Variants in OR2L13 observed in about 807,000 individuals in gnomAD.
The protein encoded by OR2L13 is olfactory receptor 2L13.
Under a neutral mutation model 15.3 loss-of-function variants are expected in OR2L13, and 14 were observed. That is an observed-to-expected ratio of 0.91 (90% CI 0.60 to 1.43). OR2L13 has a LOEUF of 1.43. Ranked by LOEUF, OR2L13 falls within the 40% of genes most tolerant of loss-of-function variation. OR2L13 has a pLI of 0.00. For synonymous variants in OR2L13, 152 were observed against 142.9 expected (o/e 1.06, Z -0.45); for missense variants, 367 against 387.9 (o/e 0.95, Z 0.45).
the OR2L13 span, among the ~76,000 whole-genome samples, chr1:248,002,556 C>T: frequency 1.3e-5 from 2 of 152,132 alleles, no homozygotes; most frequent in Non-Finnish European, 2.9e-5. Flanking sequence ...AAAATTTCTT[C>T]GCTTTTAAAA....
chr1:248,058,934 TA>T, the OR2L13 span, among the ~76,000 whole-genome samples: 2 of 152,230 alleles, frequency 1.3e-5, no homozygotes, highest in East Asian at 3.9e-4. Flanking sequence ...TTTCACTTAA[TA>T]TTTTTTATCA....
chr1:248,038,936 T>A, the OR2L13 span: 3 of 1,614,206 alleles, frequency 1.9e-6, no homozygotes, highest in Non-Finnish European at 2.5e-6. Context: ...TTCTCCTTGC[T>A]GTCTACCGCA....
the OR2L13 span, among the ~76,000 whole-genome samples, chr1:248,044,837 A>C: frequency 8.6e-5 from 13 of 150,860 alleles, 1 homozygote; most frequent in Non-Finnish European, 5.9e-5. Flanking sequence ...AAAAAAAAAA[A>C]AACGCCTTCC....
the OR2L13 span, among the ~76,000 whole-genome samples, chr1:247,959,268 G>A: frequency 3.0e-3 from 463 of 152,098 alleles, 6 homozygotes; most frequent in African/African-American, 0.01. Flanking sequence ...TTGAATATTG[G>A]CCCCCACTCT....
the OR2L13 span, chr1:247,966,250 C>A: frequency 1.2e-6 from 2 of 1,613,010 alleles, no homozygotes; most frequent in Admixed American, 1.7e-5. Flanking sequence ...TATCTACAGC[C>A]TGAGAAATAA....
the OR2L13 span, among the ~76,000 whole-genome samples, chr1:247,958,937 T>C: frequency 5.0e-4 from 76 of 152,360 alleles, no homozygotes; most frequent in South Asian, 0.015. Context: ...ATTTAGCCCA[T>C]TTACTTTTAA....
the OR2L13 span, among the ~76,000 whole-genome samples, chr1:248,012,571 G>T: frequency 6.6e-6 from 1 of 152,096 alleles, no homozygotes; most frequent in Non-Finnish European, 1.5e-5. Context: ...TGCCTAGTGT[G>T]CACTAGATGT....
chr1:248,022,313 T>C, the OR2L13 span: 154 of 1,614,156 alleles, frequency 9.5e-5, 1 homozygote, highest in South Asian at 1.5e-3. Context: ...ATGATCGTTA[T>C]GTGGCCATTT....
the OR2L13 span, chr1:248,039,224 G>C: frequency 5.0e-6 from 8 of 1,586,034 alleles, no homozygotes; most frequent in East Asian, 8.9e-5. Flanking sequence ...TTCTGTGTTA[G>C]AGTCAAAGCG....
chr1:247,985,330 A>T, the OR2L13 span, among the ~76,000 whole-genome samples: 2 of 151,984 alleles, frequency 1.3e-5, no homozygotes, highest in African/African-American at 4.8e-5. Flanking sequence ...TCATTGTTCA[A>T]TTCCCACCTA....
chr1:247,966,516 C>G, the OR2L13 span: 1 of 575,940 alleles, frequency 1.7e-6, no homozygotes. Flanking sequence ...TTTTACTTGC[C>G]CTCTTGAATA....
At chr1:248,009,981 A>G in the OR2L13 span, among the ~76,000 whole-genome samples, 1 of 152,040 alleles carries the variant, frequency 6.6e-6, no homozygotes, top group Admixed American at 6.6e-5. Context: ...CATGCTAAAA[A>G]CTCTCAATAA....
the OR2L13 span, chr1:248,084,045 C>T: frequency 9.1e-5 from 146 of 1,611,348 alleles, no homozygotes; most frequent in African/African-American, 1.8e-3. Context: ...ACAAGCCAAA[C>T]GCACCAGCAC....
At chr1:248,074,670 A>T in the OR2L13 span, among the ~76,000 whole-genome samples, 1 of 152,176 alleles carries the variant, frequency 6.6e-6, no homozygotes, top group African/African-American at 2.4e-5. Flanking sequence ...GACACTGAAG[A>T]CTACTAAAGA....
chr1:248,023,791 C>T, the OR2L13 span: 2 of 152,100 alleles, frequency 1.3e-5, no homozygotes, highest in Non-Finnish European at 1.5e-5. Flanking sequence ...TCCTGAGAAA[C>T]GCTTTAGTCT....
At chr1:248,023,666 C>G in the OR2L13 span, 1 of 152,220 alleles carries the variant, frequency 6.6e-6, no homozygotes, top group African/African-American at 2.4e-5. Flanking sequence ...CTCTGCTCCA[C>G]TATTTTTATA....
the OR2L13 span, chr1:247,990,311 A>T: frequency 0.066 from 78,319 of 1,186,428 alleles, 3,144 homozygotes; most frequent in East Asian, 0.17. Flanking sequence ...TCTTGTTGGG[A>T]TTGTCGCCAC....
At chr1:248,070,448 C>A in the OR2L13 span, among the ~76,000 whole-genome samples, 3 of 152,040 alleles carry the variant, frequency 2.0e-5, no homozygotes, top group Non-Finnish European at 2.9e-5. Context: ...ACACAACATA[C>A]CAGAATCTCT....
the OR2L13 span, chr1:247,939,587 T>C: frequency 3.9e-5 from 6 of 152,338 alleles, no homozygotes; most frequent in African/African-American, 1.4e-4. Flanking sequence ...ATGAAAAATA[T>C]GCTCTAGAGC....
Sources: gnomAD v4.1 joint callset for allele counts (sites outside exome capture counted in the v4.1 genomes callset) on GRCh38, gnomAD v4.1.1 for gene constraint, MANE v1.5 for transcripts, NCBI Gene and HGNC (gene_info 2026-07-23, HGNC 2026-07-21) for gene names.